The following DDB2 variants were observed in gnomAD, a reference collection of about 807,000 sequenced individuals.
DDB2 encodes the protein DNA damage-binding protein 2.
In DDB2, 27 loss-of-function variants were observed where a neutral mutation model predicts 50.5. That is an observed-to-expected ratio of 0.53 (90% CI 0.39 to 0.74). The LOEUF (loss-of-function observed/expected upper bound fraction) is 0.74, where lower values mean the gene tolerates loss of function less well. Among genes scored for constraint, DDB2 ranks in the 30% least tolerant of loss-of-function variants. The pLI is 0.00. For synonymous variants in DDB2, 176 were observed against 205.5 expected (o/e 0.86, Z 1.23); for missense variants, 424 against 545.6 (o/e 0.78, Z 2.22).
chr11:47,235,070 T>TTGTGGC (rs1448233555), intron 6 of DDB2, 136 bp downstream of exon 6: 2 of 1,302,850 alleles, frequency 1.5e-6, no homozygotes, highest in African/African-American at 1.5e-5. Flanking sequence ...CTGGGAACCT[T>TTGTGGC]TGTGGCTGTG....
intron 3 of DDB2, 46 bp from the exon 4 acceptor site, chr11:47,232,768 G>A (rs958232358): frequency 3.7e-6 from 6 of 1,608,484 alleles, no homozygotes; most frequent in African/African-American, 2.7e-5. Flanking sequence ...GGTTCCTCAC[G>A]GCCAGGCCCA....
intron 4 of DDB2, 176 bp downstream of exon 4, chr11:47,233,135 T>A: frequency 1.3e-5 from 10 of 754,600 alleles, no homozygotes; most frequent in Non-Finnish European, 6.9e-6. Context: ...CTCACTTTGG[T>A]CCAGGTGGGT....
chr11:47,216,251 A>G, intron 1 of DDB2, 85 bp from the exon 2 acceptor site: 1 of 1,604,936 alleles, frequency 6.2e-7, no homozygotes, highest in Non-Finnish European at 8.5e-7. Context: ...ACCGTGCCGA[A>G]TGAAACAAGG....
chr11:47,235,766 A>AT (rs985915407), intron 7 of DDB2: 24 of 260,456 alleles, frequency 9.2e-5, no homozygotes, highest in Non-Finnish European at 1.3e-4. Context: ...TTTTTTTATT[A>AT]TTTTTTTTAA....
intron 3 of DDB2, among the ~76,000 whole-genome samples, chr11:47,224,266 C>T (rs1456086747): frequency 6.6e-6 from 1 of 151,834 alleles, no homozygotes; most frequent in East Asian, 1.9e-4. Flanking sequence ...CTCACTCTGT[C>T]GCCCAGGCTG....
At chr11:47,229,072 G>C (rs1464164530) in intron 3 of DDB2, among the ~76,000 whole-genome samples, 2 of 149,544 alleles carry the variant, frequency 1.3e-5, no homozygotes, top group African/African-American at 4.9e-5. Context: ...CAAACCAAAA[G>C]TCATTAGGTA....
intron 4 of DDB2, chr11:47,233,230 A>C: frequency 2.0e-6 from 1 of 499,052 alleles, no homozygotes; most frequent in Non-Finnish European, 3.6e-6. Flanking sequence ...TCACTAGATA[A>C]GCCAGCATGG....
Position 47,217,197 on chromosome 11 carries a change from G to A in DDB2, c.456+148G>A. On this transcript the variant is annotated intron_variant, in intron 3 of 9. Coordinates refer to ENST00000256996, the MANE Select transcript of DDB2 (RefSeq NM_000107.3). ...TTGAGACCAGCCTGGCCAACATGGT[G>A]AAACCCCGTCTCTACTAAAAATACA... 6.0e-6 allele frequency: 4 copies of A among 662,138 alleles called. No homozygotes were observed. In the South Asian group the frequency reaches 6.2e-5, roughly 10 times the overall value. The allele number at this position is 662,138 out of a possible 1,614,324, so 41.0% of individuals were successfully genotyped here.
intron 4 of DDB2, chr11:47,233,490 G>C: frequency 5.2e-6 from 1 of 193,040 alleles, no homozygotes; most frequent in South Asian, 1.0e-4. Context: ...TGGATCACCT[G>C]AGGTCAGGAG....
chr11:47,218,151 C>T (rs773939874), intron 3 of DDB2, among the ~76,000 whole-genome samples: 25 of 152,198 alleles, frequency 1.6e-4, no homozygotes, highest in Admixed American at 6.5e-5. Context: ...CCCACTCCTC[C>T]ACCGTCATTC....
chr11:47,227,675 T>A (rs1953580571), intron 3 of DDB2, among the ~76,000 whole-genome samples: 1 of 152,074 alleles, frequency 6.6e-6, no homozygotes, highest in South Asian at 2.1e-4. Flanking sequence ...CTGGCCCGAT[T>A]GATTTTTAAT....
Position 47,234,939 on chromosome 11 carries a change from G to A in DDB2, c.880+5G>A, listed in dbSNP as rs757030681. 3.7e-6 allele frequency: 6 copies of A among 1,614,052 alleles called. No individual in the cohort carries two copies. The highest frequency in any genetic ancestry group is 2.2e-5 in the East Asian group (1 of 44,886). On this transcript the variant is annotated splice_donor_5th_base_variant and intron_variant, in intron 6 of 9. Coordinates refer to ENST00000256996, the MANE Select transcript of DDB2 (RefSeq NM_000107.3). ...ACAGGCATCCTGTCAACGCAGGTGT[G>A]ATATCCCAGACCTCATCTCTCCTGC...
chr11:47,235,293 C>T lies in DDB2; in HGVS notation c.904C>T (p.Arg302Trp), dbSNP rs776612511. The change falls in exon 7 of 10, where the codon CGG (arginine) becomes TGG (tryptophan). Residue 302 changes from arginine (R) to tryptophan (W), a missense_variant. Coordinates refer to ENST00000256996, the MANE Select transcript of DDB2 (RefSeq NM_000107.3). ...NAACFSPDGA[R>W]LLTTDQKSEI... ...AGCTTGTTTCAGTCCCGATGGAGCC[C>T]GGCTCCTGACCACGGACCAGAAGAG... 1.9e-6 allele frequency: 3 copies of T among 1,614,080 alleles called. No homozygotes were observed. Among genetic ancestry groups the T allele is most frequent in the African/African-American group, 1.3e-5 (1 of 74,930 alleles).
chr11:47,237,940 A>G lies in DDB2; in HGVS notation c.1127A>G (p.Asp376Gly), dbSNP rs1953761227. ...PYELRTIDVF[D>G]GNSGKMMCQL... ...GAATTGAGGACGATCGACGTGTTCG[A>G]TGGAAACTCAGGGAAGATGATGTGT... The change falls in exon 8 of 10, where the codon GAT becomes GGT. Residue 376 changes from aspartate to glycine, a missense_variant. By Grantham distance (94) the Asp-to-Gly change is moderately conservative (BLOSUM62 -1). Transcript: ENST00000256996. 1.2e-6 allele frequency: 2 copies of G among 1,614,160 alleles called. No homozygotes were observed. Among genetic ancestry groups the G allele is most frequent in the East Asian group, 4.5e-5 (2 of 44,890 alleles).
chr11:47,225,669 A>T (rs1953548548), intron 3 of DDB2, among the ~76,000 whole-genome samples: 1 of 152,128 alleles, frequency 6.6e-6, no homozygotes, highest in Non-Finnish European at 1.5e-5. Flanking sequence ...TTAAGTGTAC[A>T]GTTTAGTAAT....
rs326212 is a variant in DDB2 at position 47,216,971 on chromosome 11, C to T, written c.378C>T (p.Thr126=). Residue 126 remains threonine (T), a synonymous_variant, in exon 3 of 10, where the codon ACC becomes ACT. Coordinates refer to ENST00000256996, the MANE Select transcript of DDB2 (RefSeq NM_000107.3). The stretch of plus-strand genomic sequence containing the variant: ...CGTGGCACCCAACTCACCCCAGCAC[C>T]GTGGCTGTGGGTTCCAAAGGGGGAG... ...SLAWHPTHPS[T]VAVGSKGGDI... 1,198 of 1,614,002 alleles carry T rather than the reference C, an allele frequency of 7.4e-4. 4 individuals carry two copies. In the African/African-American group the frequency reaches 0.015, roughly 20 times the overall value.
At chr11:47,225,343 A>C (rs1953542877) in intron 3 of DDB2, among the ~76,000 whole-genome samples, 1 of 151,794 alleles carries the variant, frequency 6.6e-6, no homozygotes, top group Non-Finnish European at 1.5e-5. Context: ...CTGTAATCCC[A>C]GCACTTTGGG....
intron 3 of DDB2, among the ~76,000 whole-genome samples, chr11:47,224,395 A>G (rs1953529208): frequency 1.3e-5 from 2 of 151,834 alleles, no homozygotes; most frequent in Non-Finnish European, 2.9e-5. Flanking sequence ...CACCTGGCTA[A>G]TTTTTGTATT....
At chr11:47,235,052 G>A in intron 6 of DDB2, 118 bp downstream of exon 6, 1 of 1,346,334 alleles carries the variant, frequency 7.4e-7, no homozygotes, top group Admixed American at 1.9e-5. Context: ...CGTCTGCCAA[G>A]CTGATGTCTG....
Sources: allele counts gnomAD v4.1 joint callset (sites outside exome capture counted in the v4.1 genomes callset), GRCh38; gene constraint gnomAD v4.1.1; transcripts MANE v1.5; gene names NCBI Gene and HGNC (gene_info 2026-07-23, HGNC 2026-07-21).